Variants in FAM171B observed in about 807,000 individuals in gnomAD.
FAM171B encodes the protein protein FAM171B.
Under a neutral mutation model 75.6 loss-of-function variants are expected in FAM171B, and 19 were observed. That is an observed-to-expected ratio of 0.25 (90% confidence interval 0.18 to 0.37). The LOEUF (loss-of-function observed/expected upper bound fraction) is 0.37. Among genes scored for constraint, FAM171B ranks in the 10% least tolerant of loss-of-function variants. The probability of loss-of-function intolerance (pLI) is 1.00; values close to 1 mark genes in which losing one functional copy is unlikely to be tolerated. For missense variants in FAM171B, 848 were observed against 982.4 expected (o/e 0.86, Z 1.83); for synonymous variants, 367 against 361.7 (o/e 1.01, Z -0.17).
At chr2:186,728,811 T>C (rs1218419073) in intron 1 of FAM171B, among the ~76,000 whole-genome samples, 1 of 152,202 alleles carries the variant, frequency 6.6e-6, no homozygotes, top group Non-Finnish European at 1.5e-5. Flanking sequence ...TGTGTATAGT[T>C]GTAACCTACA....
intron 4 of FAM171B, among the ~76,000 whole-genome samples, chr2:186,749,397 C>T (rs1465096612): frequency 6.6e-6 from 1 of 152,120 alleles, no homozygotes; most frequent in Non-Finnish European, 1.5e-5. Context: ...CTTCAGAAAG[C>T]CAGCCAACTG....
At chr2:186,719,744 C>A (rs950376513) in intron 1 of FAM171B, among the ~76,000 whole-genome samples, 2 of 152,330 alleles carry the variant, frequency 1.3e-5, no homozygotes, top group African/African-American at 4.8e-5. Flanking sequence ...GCATCACATT[C>A]TGGAAAGCAT....
chr2:186,751,368 TTTTATC>T, intron 5 of FAM171B, 64 bp downstream of exon 5: 1 of 1,379,668 alleles, frequency 7.2e-7, no homozygotes. Flanking sequence ...TAGCTGGATG[TTTTATC>T]TTAGAACTTG....
chr2:186,701,774 A>G (rs1689663582), intron 1 of FAM171B, among the ~76,000 whole-genome samples: 1 of 152,210 alleles, frequency 6.6e-6, no homozygotes, highest in Admixed American at 6.5e-5. Flanking sequence ...TTTTAGTAGC[A>G]GTTTTATAGT....
intron 1 of FAM171B, among the ~76,000 whole-genome samples, chr2:186,702,533 T>A (rs146591611): frequency 6.6e-6 from 1 of 152,334 alleles, no homozygotes; most frequent in African/African-American, 2.4e-5. Context: ...TTCTGTGCCA[T>A]TTAATTTTTT....
intron 1 of FAM171B, among the ~76,000 whole-genome samples, chr2:186,719,912 G>A (rs1420336045): frequency 1.3e-5 from 2 of 152,118 alleles, no homozygotes; most frequent in Admixed American, 6.5e-5. Flanking sequence ...TAAACATACA[G>A]TAATAAGAAA....
chr2:186,711,474 C>T (rs187738023), intron 1 of FAM171B, among the ~76,000 whole-genome samples: 70 of 152,254 alleles, frequency 4.6e-4, no homozygotes, highest in African/African-American at 1.6e-3. Context: ...GAGTTGTCAT[C>T]TGCCACAGTC....
At chr2:186,752,582 A>G (rs1391612052) in intron 5 of FAM171B, among the ~76,000 whole-genome samples, 1 of 152,140 alleles carries the variant, frequency 6.6e-6, no homozygotes, top group African/African-American at 2.4e-5. Flanking sequence ...GTGTTAAGGC[A>G]CTTAAAAAAA....
rs778672017 is a variant in FAM171B at position 186,762,502 on chromosome 2, C to A, written c.2160C>A (p.Leu720=). The A allele has an allele frequency of 1.1e-5, 17 of 1,613,406 alleles. No homozygotes were observed. The South Asian group carries it at 1.6e-4, about 16-fold the overall frequency. Reference sequence around the variant, plus strand: ...ATGAGCTTCACTCAAGTAGAAAGCTCGAGAGGGAGAAAACATTCATCAAAA... The same window carrying A: ...ATGAGCTTCACTCAAGTAGAAAGCTAGAGAGGGAGAAAACATTCATCAAAA... The part of the protein sequence containing the change: ...DMNELHSSRK[L]EREKTFIKSM... Residue 720 remains leucine (L), a synonymous_variant, in exon 8 of 8, where the codon CTC becomes CTA. Transcript: ENST00000304698. This position sits in a 1 kb window ranked among gnomAD's most constrained non-coding sequence, Gnocchi z 4.0.
chr2:186,717,958 T>G (rs1016609088), intron 1 of FAM171B, among the ~76,000 whole-genome samples: 1 of 152,198 alleles, frequency 6.6e-6, no homozygotes, highest in African/African-American at 2.4e-5. Context: ...TCACCTTGAT[T>G]GACAATTATT....
intron 1 of FAM171B, among the ~76,000 whole-genome samples, chr2:186,738,785 T>C (rs1232751531): frequency 6.6e-6 from 1 of 152,202 alleles, no homozygotes; most frequent in Non-Finnish European, 1.5e-5. Flanking sequence ...CATTATTCAC[T>C]GCTGTCCTTT....
chr2:186,706,012 A>C (rs1257074256), intron 1 of FAM171B, among the ~76,000 whole-genome samples: 2 of 152,188 alleles, frequency 1.3e-5, no homozygotes, highest in Non-Finnish European at 2.9e-5. Context: ...AACTCTCTGC[A>C]TTTTGGCTCA....
intron 1 of FAM171B, among the ~76,000 whole-genome samples, chr2:186,720,811 C>CATTCTGGTTA (rs1260613462): frequency 3.3e-5 from 5 of 151,386 alleles, no homozygotes; most frequent in African/African-American, 1.2e-4. Context: ...ACGGGAAGGA[C>CATTCTGGTTA]ACAGAAATAA....
intron 1 of FAM171B, among the ~76,000 whole-genome samples, chr2:186,719,569 A>C (rs933190446): frequency 3.9e-5 from 6 of 152,250 alleles, no homozygotes. Context: ...AAATAAAACA[A>C]CAATCTTGGG....
chr2:186,745,246 G>A (rs1333159673), intron 3 of FAM171B, among the ~76,000 whole-genome samples: 1 of 152,160 alleles, frequency 6.6e-6, no homozygotes, highest in Non-Finnish European at 1.5e-5. Flanking sequence ...ATGCTATTGG[G>A]GCCTTAATGA....
chr2:186,723,925 G>T (rs13413716), intron 1 of FAM171B, among the ~76,000 whole-genome samples: 1 of 152,032 alleles, frequency 6.6e-6, no homozygotes, highest in Non-Finnish European at 1.5e-5. Context: ...TCAAATATTC[G>T]TTCATTCAGA....
chr2:186,706,601 G>A (rs1689736426), intron 1 of FAM171B, among the ~76,000 whole-genome samples: 1 of 152,190 alleles, frequency 6.6e-6, no homozygotes, highest in Non-Finnish European at 1.5e-5. Context: ...AGTTTGGAAA[G>A]CTGCAGCTTT....
At position 186,706,741 on chromosome 2, in the gene FAM171B, G is replaced by A. The variant is rs139787539; in HGVS notation, c.238+12330G>A. Among the ~76,000 whole-genome samples, 315 of 152,192 alleles carry A rather than the reference G, an allele frequency of 2.1e-3. 2 individuals carry two copies. Among genetic ancestry groups the A allele is most frequent in the African/African-American group, 7.0e-3 (290 of 41,528 alleles). On this transcript the variant is annotated intron_variant, in intron 1 of 7. Transcript: ENST00000304698. The stretch of plus-strand genomic sequence containing the variant: ...CTTAAAGATCAGGATGCTATGCAGC[G>A]ACTGTACATGTTCCTATCATGGCTC...
intron 5 of FAM171B, among the ~76,000 whole-genome samples, chr2:186,752,604 G>GT (rs1690472487): frequency 6.6e-6 from 1 of 152,140 alleles, no homozygotes; most frequent in African/African-American, 2.4e-5. Context: ...AATATCTGCT[G>GT]TTTGAGTCCT....
Sources: allele counts gnomAD v4.1 joint callset (sites outside exome capture counted in the v4.1 genomes callset), GRCh38; gene constraint gnomAD v4.1.1; non-coding constraint Gnocchi (gnomAD v3.1); transcripts MANE v1.5; gene names NCBI Gene and HGNC (gene_info 2026-07-23, HGNC 2026-07-21).